CCDC186: variants seen among roughly 807,000 people sequenced by gnomAD.
CCDC186 encodes the protein coiled-coil domain containing 186.
CCDC186 carries 49 observed loss-of-function variants against 113.7 expected under a neutral mutation model. The observed-to-expected ratio is 0.43, with a 90% confidence interval of 0.34 to 0.55. The LOEUF (loss-of-function observed/expected upper bound fraction) is 0.55. CCDC186 is among the 20% of genes least tolerant of loss of function. CCDC186 has a pLI of 0.02. For missense variants in CCDC186, 890 were observed against 1,011.1 expected (o/e 0.88, Z 1.62); for synonymous variants, 355 against 345.8 (o/e 1.03, Z -0.30).
intron 12 of CCDC186, 157 bp downstream of exon 12, chr10:114,130,990 C>T (rs1194882128): frequency 1.6e-5 from 8 of 505,646 alleles, no homozygotes; most frequent in Admixed American, 8.6e-5. Context: ...GATAAAAGAT[C>T]GGTCATGAAA....
In CCDC186 at chr10:114,129,969, G is replaced by T; in HGVS notation, c.2104C>A (p.Arg702=). The T allele has an allele frequency of 6.2e-7, 1 of 1,612,176 alleles. No individual in the cohort carries two copies. Among genetic ancestry groups the T allele is most frequent in the East Asian group, 2.2e-5 (1 of 44,788 alleles). ...CTCTCAACCTGATCTAATTTTCTTC[G>T]TGCTATAGGAAAAAGAAGATTATTC... is the stretch of plus-strand genomic sequence containing the variant. The part of the protein sequence containing the change: ...KDLTKQLQQA[R]RKLDQVESGS... The change falls in exon 13 of 16, where the codon CGA becomes AGA. Residue 702 remains arginine (R), a splice_region_variant and synonymous_variant. Coordinates refer to ENST00000369287, the MANE Select transcript of CCDC186 (RefSeq NM_018017.4).
At chr10:114,136,101 T>C (rs1399884026) in intron 8 of CCDC186, 47 bp downstream of exon 8, 5 of 1,540,666 alleles carry the variant, frequency 3.2e-6, no homozygotes, top group Admixed American at 3.4e-5. Flanking sequence ...TTTCTCTTTC[T>C]GTATTTATTA....
chr10:114,132,284 C>T (rs1589609473), intron 10 of CCDC186, 100 bp from the exon 11 acceptor site: 2 of 837,910 alleles, frequency 2.4e-6, no homozygotes, highest in Non-Finnish European at 3.5e-6. Flanking sequence ...AATAAAGGTA[C>T]TTCTATTCAT....
At position 114,131,230 on chromosome 10, in the gene CCDC186, A is replaced by G; in HGVS notation, c.2018T>C (p.Val673Ala). The G allele has an allele frequency of 3.1e-6, 5 of 1,602,110 alleles. No homozygotes were observed. The highest frequency in any genetic ancestry group is 2.6e-6 in the Non-Finnish European group (3 of 1,174,934). Residue 673 changes from valine to alanine, a missense_variant, in exon 12 of 16, where the codon GTA becomes GCA. Val to Ala is a moderately conservative substitution (Grantham distance 64). Coordinates refer to ENST00000369287, the MANE Select transcript of CCDC186 (RefSeq NM_018017.4). Reference protein sequence around the residue: ...QTEVKALSTQVEELKDELVTQ... With the variant: ...QTEVKALSTQAEELKDELVTQ... ...TACTAACTCATCTTTTAATTCTTCT[A>G]CCTGGGTACTCAATGCTTTAACTTC...
intron 1 of CCDC186, among the ~76,000 whole-genome samples, chr10:114,167,600 G>T (rs137922307): frequency 1.0e-3 from 153 of 151,936 alleles, no homozygotes; most frequent in Middle Eastern, 3.4e-3. Flanking sequence ...GGCTACTAAG[G>T]ATAGAATGGC....
intron 4 of CCDC186, among the ~76,000 whole-genome samples, chr10:114,148,718 AC>A (rs1564912302): frequency 6.6e-6 from 1 of 152,250 alleles, no homozygotes; most frequent in Non-Finnish European, 1.5e-5. Flanking sequence ...TAAAACCTTT[AC>A]TGCTCTGTGA....
chr10:114,132,231 C>A, intron 10 of CCDC186, 47 bp from the exon 11 acceptor site: 1 of 1,324,586 alleles, frequency 7.5e-7, no homozygotes, highest in Non-Finnish European at 1.0e-6. Context: ...CATTAAAAGA[C>A]ATTAAATTAA....
intron 6 of CCDC186, among the ~76,000 whole-genome samples, chr10:114,139,730 A>G (rs2031406408): frequency 6.6e-6 from 1 of 152,132 alleles, no homozygotes. Flanking sequence ...AAATATAAGC[A>G]ATTATTTATT....
chr10:114,172,204 T>A lies in CCDC186; in HGVS notation c.-62+1811A>T, dbSNP rs541484052. Among the ~76,000 whole-genome samples the A allele has an allele frequency of 2.0e-5, 3 of 152,342 alleles. No individual in the cohort carries two copies. The East Asian group carries it at 5.8e-4, about 29-fold the overall frequency. The stretch of plus-strand genomic sequence containing the variant: ...CTGTTGCATGAATTTGAGAAACTAG[T>A]GCAGATTACCAGTCCTTCTTCAAAG... On this transcript the variant is annotated intron_variant, in intron 1 of 15. Coordinates refer to ENST00000369287, the MANE Select transcript of CCDC186 (RefSeq NM_018017.4).
At position 114,131,334 on chromosome 10, in the gene CCDC186, T is replaced by G. The variant is rs2031080398; in HGVS notation, c.1914A>C (p.Glu638Asp). Residue 638 changes from glutamate (E) to aspartate (D), a missense_variant and splice_region_variant, in exon 12 of 16, where the codon GAA becomes GAC. By Grantham distance (45) the Glu-to-Asp change is conservative (BLOSUM62 2). Coordinates refer to ENST00000369287, the MANE Select transcript of CCDC186 (RefSeq NM_018017.4). ...GTTCTTCCTCTTTCAACAACCTACT[T>G]TCCTGAATAGTAAGTAAAACAAAAA... is the stretch of plus-strand genomic sequence containing the variant. The part of the protein sequence containing the change: ...EQMKQTNINL[E>D]SRLLKEEELR... The G allele has an allele frequency of 3.8e-6, 6 of 1,564,554 alleles. No individual in the cohort carries two copies. Among genetic ancestry groups the G allele is most frequent in the Non-Finnish European group, 5.2e-6 (6 of 1,160,422 alleles).
At position 114,129,963 on chromosome 10, in the gene CCDC186, T is replaced by C; in HGVS notation, c.2110A>G (p.Lys704Glu). ...CTTCCACTCTCAACCTGATCTAATT[T>C]TCTTCGTGCTATAGGAAAAAGAAGA... ...LTKQLQQARR[K>E]LDQVESGSYD... Residue 704 changes from lysine to glutamate, a missense_variant, in exon 13 of 16, where the codon AAA (lysine) becomes GAA (glutamate). By Grantham distance (56) the Lys-to-Glu change is moderately conservative (BLOSUM62 1). Transcript: ENST00000369287. 1.2e-6 allele frequency: 2 copies of C among 1,613,246 alleles called. No homozygotes were observed. The highest frequency in any genetic ancestry group is 1.7e-6 in the Non-Finnish European group (2 of 1,179,422).
chr10:114,125,919 C>CA lies in CCDC186; in HGVS notation c.2579dup (p.Leu860PhefsTer27), dbSNP rs1171341409. 1 of 1,613,882 alleles carries CA rather than the reference C, an allele frequency of 6.2e-7. No homozygotes were observed. The highest frequency in any genetic ancestry group is 1.7e-5 in the Admixed American group (1 of 60,000). ...TAATATTTTTTAGTAACGTATCCTC[C>CA]AAAACAGCCTGTAATTTTCGGTTGA... On this transcript the variant is annotated frameshift_variant, in exon 15 of 16. Transcript: ENST00000369287. LOFTEE classifies it high-confidence loss of function.
intron 1 of CCDC186, among the ~76,000 whole-genome samples, chr10:114,164,114 ATTTTTTTTTT>A (rs35615169): frequency 3.8e-5 from 3 of 79,180 alleles, no homozygotes; most frequent in African/African-American, 1.5e-4. Flanking sequence ...ATATATATAT[ATTTTTTTTTT>A]TTTTTTTTTT....
In CCDC186 at chr10:114,151,213, G is replaced by T; in HGVS notation, c.767C>A (p.Ser256Ter). 6.5e-7 allele frequency: 1 copy of T among 1,548,064 alleles called. No homozygotes were observed. Among genetic ancestry groups the T allele is most frequent in the South Asian group, 1.1e-5 (1 of 87,840 alleles). ...QHMNTIKQLE[S>*]RIEELNKEVK... Reference sequence around the variant, plus strand: ...TTCTTTATTAAGTTCTTCTATTCTTGATTCTAACTGTAAAGAAAATTATTT... The same window carrying T: ...TTCTTTATTAAGTTCTTCTATTCTTTATTCTAACTGTAAAGAAAATTATTT... The change falls in exon 4 of 16, where the codon TCA (serine) becomes TAA (stop). Residue 256 changes from serine to a stop codon, truncating the protein, a stop_gained. Transcript: ENST00000369287. LOFTEE classifies it high-confidence loss of function.
chr10:114,125,198 A>G lies in CCDC186; in HGVS notation c.2642T>C (p.Ile881Thr). The G allele has an allele frequency of 1.2e-6, 2 of 1,611,624 alleles. No homozygotes were observed. The highest frequency in any genetic ancestry group is 1.7e-6 in the Non-Finnish European group (2 of 1,178,694). ...KENLQTLGTE[I>T]ERLIKHQHEL... ...ATGCTGGTGTTTAATAAGACGTTCT[A>G]TTTCTGTTCCAAGTGTTTGTAGATT... The change falls in exon 16 of 16, where the codon ATA becomes ACA. Residue 881 changes from isoleucine to threonine, a missense_variant. Ile to Thr is a moderately conservative substitution (Grantham distance 89, BLOSUM62 -1). Coordinates refer to ENST00000369287, the MANE Select transcript of CCDC186 (RefSeq NM_018017.4).
intron 1 of CCDC186, among the ~76,000 whole-genome samples, chr10:114,171,252 C>G (rs12766018): frequency 0.082 from 12,421 of 151,998 alleles, 636 homozygotes; most frequent in Middle Eastern, 0.15. Flanking sequence ...GGCTCTCAGG[C>G]CTTCCTTTAC....
intron 6 of CCDC186, among the ~76,000 whole-genome samples, chr10:114,137,909 G>A (rs1011911180): frequency 2.6e-5 from 4 of 151,952 alleles, no homozygotes; most frequent in East Asian, 1.9e-4. Context: ...GGTGGCGCAT[G>A]CCTGTAACCT....
At position 114,123,425 on chromosome 10, in the gene CCDC186, G is replaced by A. The variant is rs570118543; in HGVS notation, c.*1718C>T. 7.2e-5 allele frequency: 11 copies of A among 151,964 alleles called. No individual in the cohort carries two copies. The highest frequency in any genetic ancestry group is 1.9e-4 in the African/African-American group (8 of 41,454). The allele number at this position is 151,964 out of a possible 1,614,324, so 9.4% of individuals were successfully genotyped here. On this transcript the variant is annotated 3_prime_UTR_variant, in exon 16 of 16. Coordinates refer to ENST00000369287, the MANE Select transcript of CCDC186 (RefSeq NM_018017.4). The stretch of plus-strand genomic sequence containing the variant: ...AATCCTTAGTAAATTATTTTTAAAC[G>A]ATGTTGATTAAAAAATGTTAAAACA...
At chr10:114,162,532 G>T in intron 2 of CCDC186, 105 bp downstream of exon 2, 1 of 811,822 alleles carries the variant, frequency 1.2e-6, no homozygotes. Flanking sequence ...TGATTCTAAT[G>T]TGCAAGTAAA....
Sources: allele counts gnomAD v4.1 joint callset (sites outside exome capture counted in the v4.1 genomes callset), GRCh38; gene constraint gnomAD v4.1.1; transcripts MANE v1.5; gene names NCBI Gene and HGNC (gene_info 2026-07-23, HGNC 2026-07-21).